Variants in CLTCL1 observed in about 807,000 individuals in gnomAD.
CLTCL1 encodes clathrin heavy chain 2.
CLTCL1 carries 159 observed loss-of-function variants against 190.0 expected under a neutral mutation model. That is an observed-to-expected ratio of 0.84 (90% CI 0.74 to 0.95). CLTCL1 has a LOEUF of 0.95. Among genes scored for constraint, CLTCL1 ranks in the 40% least tolerant of loss-of-function variants. The probability of loss-of-function intolerance (pLI) is 0.00; values close to 1 mark genes in which losing one functional copy is unlikely to be tolerated. For missense variants in CLTCL1, 1,878 were observed against 2,033.4 expected (o/e 0.92, Z 1.47); for synonymous variants, 752 against 769.6 (o/e 0.98, Z 0.38).
intron 1 of CLTCL1, among the ~76,000 whole-genome samples, chr22:19,282,539 G>C (rs575576829): frequency 6.6e-6 from 1 of 150,802 alleles, no homozygotes; most frequent in Non-Finnish European, 1.5e-5. Flanking sequence ...TCAGGAGGCC[G>C]AGGCAGGAGA....
In CLTCL1 at chr22:19,180,793, T is replaced by A. The variant is rs1005433220; in HGVS notation, c.4841A>T (p.Asp1614Val). 2.2e-5 allele frequency: 35 copies of A among 1,613,656 alleles called. No homozygotes were observed. The African/African-American group carries it at 3.6e-4, about 17-fold the overall frequency. Reference sequence around the variant, plus strand: ...TTGCTTGCGCAGACTCTCCAAGGCATCCAGTTTGTCCACCTGCAAGGAGGC... The same window carrying A: ...TTGCTTGCGCAGACTCTCCAAGGCAACCAGTTTGTCCACCTGCAAGGAGGC... ...REYLSKVDKL[D>V]ALESLRKQEE... Residue 1614 changes from aspartate (D) to valine (V), a missense_variant, in exon 31 of 33, where the codon GAT (aspartate) becomes GTT (valine). Asp to Val is a radical substitution (Grantham distance 152). Coordinates refer to ENST00000427926, the MANE Select transcript of CLTCL1 (RefSeq NM_007098.4).
At chr22:19,251,206 C>G (rs1391426278) in intron 3 of CLTCL1, among the ~76,000 whole-genome samples, 2 of 143,472 alleles carry the variant, frequency 1.4e-5, no homozygotes, top group Non-Finnish European at 3.1e-5. Flanking sequence ...AAATTTACCT[C>G]TAAGTATTTT....
chr22:19,220,179 G>A (rs2085523874), intron 17 of CLTCL1, among the ~76,000 whole-genome samples, 172 bp from the exon 18 acceptor site: 1 of 152,162 alleles, frequency 6.6e-6, no homozygotes, highest in Non-Finnish European at 1.5e-5. Flanking sequence ...CAGGGTTAAC[G>A]ATGGACTCAA....
chr22:19,202,401 T>A (rs2084916140), intron 22 of CLTCL1, among the ~76,000 whole-genome samples: 1 of 124,556 alleles, frequency 8.0e-6, no homozygotes, highest in Admixed American at 8.2e-5. Flanking sequence ...CAACCCTCCT[T>A]CCGCCATCCA....
chr22:19,211,167 C>A (rs2085208776), intron 19 of CLTCL1, among the ~76,000 whole-genome samples: 1 of 152,166 alleles, frequency 6.6e-6, no homozygotes, highest in South Asian at 2.1e-4. Context: ...AGAAATACTA[C>A]ATCTTTATCA....
rs1164616196 is a variant in CLTCL1, at chr22:19,180,705, G to C, written c.4903+26C>G. 3.1e-6 allele frequency: 5 copies of C among 1,611,458 alleles called. No individual in the cohort carries two copies. The African/African-American group carries it at 4.0e-5, about 13-fold the overall frequency. On this transcript the variant is annotated intron_variant, in intron 31 of 32. Transcript: ENST00000427926. ...CTCCCTCCCTGCTCCCTCCCCAGGG[G>C]GTTGGGGGCTACAGGTGCCACCTAC... is the stretch of plus-strand genomic sequence containing the variant.
At chr22:19,274,410 TA>T (rs1223332046) in intron 2 of CLTCL1, among the ~76,000 whole-genome samples, 15 of 152,278 alleles carry the variant, frequency 9.9e-5, no homozygotes, top group African/African-American at 3.4e-4. Flanking sequence ...AAGAGACAGA[TA>T]AAAGCATCAT....
intron 4 of CLTCL1, among the ~76,000 whole-genome samples, chr22:19,240,503 G>C (rs1239623991): frequency 1.3e-5 from 2 of 152,144 alleles, no homozygotes; most frequent in African/African-American, 4.8e-5. Context: ...GGCCAATGGG[G>C]GAGGCTGAGC....
intron 7 of CLTCL1, 89 bp from the exon 8 acceptor site, chr22:19,233,711 C>T (rs2085989718): frequency 8.1e-7 from 1 of 1,227,154 alleles, no homozygotes; most frequent in East Asian, 2.4e-5. Flanking sequence ...CAAAAATCTG[C>T]CAGTGGAAAT....
At position 19,232,528 on chromosome 22, in the gene CLTCL1, T is replaced by G; in HGVS notation, c.1592A>C (p.Gln531Pro). ...VMKISPEQGLQFSRMLVQDEE... is the reference protein window; with the variant it reads ...VMKISPEQGLPFSRMLVQDEE... Reference sequence around the variant, plus strand: ...GTCCTGCACTAGCATTCGAGAAAACTGCAGGCCCTGTTCCGGACTGATCTT... The same window carrying G: ...GTCCTGCACTAGCATTCGAGAAAACGGCAGGCCCTGTTCCGGACTGATCTT... The change falls in exon 10 of 33, where the codon CAG becomes CCG. Residue 531 changes from glutamine (Q) to proline (P), a missense_variant. Transcript: ENST00000427926. The G allele has an allele frequency of 6.2e-7, 1 of 1,613,986 alleles. No homozygotes were observed. The highest frequency in any genetic ancestry group is 8.5e-7 in the Non-Finnish European group (1 of 1,179,878).
In CLTCL1 at chr22:19,275,681, C is replaced by G; in HGVS notation, c.192G>C (p.Arg64=). 6.2e-7 allele frequency: 1 copy of G among 1,606,194 alleles called. No individual in the cohort carries two copies. Among genetic ancestry groups the G allele is most frequent in the Non-Finnish European group, 8.5e-7 (1 of 1,176,328 alleles). ...DMSDPMAPIR[R]PISAESAIMN... ...TGATGGCACTCTCTGCAGAGATAGG[C>G]CGTCGGATCGGAGCCATTGGGTCAC... is the stretch of plus-strand genomic sequence containing the variant. The change falls in exon 2 of 33, where the codon CGG becomes CGC. Residue 64 remains arginine, a synonymous_variant. Transcript: ENST00000427926.
At chr22:19,180,840 T>C in intron 30 of CLTCL1, 34 bp from the exon 31 acceptor site, 1 of 1,598,380 alleles carries the variant, frequency 6.3e-7, no homozygotes, top group Non-Finnish European at 8.6e-7. Context: ...AGCACCCGCT[T>C]GACAGAGTGC....
In CLTCL1 at chr22:19,242,902, G is replaced by C. The variant is rs782472815; in HGVS notation, c.554C>G (p.Ser185Cys). 1 of 1,613,922 alleles carries C rather than the reference G, an allele frequency of 6.2e-7. No homozygotes were observed. The highest frequency in any genetic ancestry group is 1.7e-5 in the Admixed American group (1 of 60,006). ...NRVVGAMQLY[S>C]VDRKVSQPIE... ...GGGTTGTGAAACCTTCCTATCCACA[G>C]AGTAGAGCTGCATTGCTCCAACCAC... The change falls in exon 4 of 33, where the codon TCT becomes TGT. Residue 185 changes from serine to cysteine, a missense_variant. Ser to Cys is a moderately radical substitution (Grantham distance 112). Transcript: ENST00000427926.
chr22:19,192,686 C>A (rs2146259124), intron 26 of CLTCL1, among the ~76,000 whole-genome samples: 1 of 152,340 alleles, frequency 6.6e-6, no homozygotes, highest in South Asian at 2.1e-4. Context: ...TTCAGGGTGT[C>A]TTCTTTCTCC....
chr22:19,222,053 A>G lies in CLTCL1; in HGVS notation c.2459T>C (p.Leu820Pro), dbSNP rs2085589560. Reference sequence around the variant, plus strand: ...CACTTCCTCAGAACAATCCACATCAAGCAGCCCTCCAATCACAGCTGGGGT... The same window carrying G: ...CACTTCCTCAGAACAATCCACATCAGGCAGCCCTCCAATCACAGCTGGGGT... ...SRTPAVIGGL[L>P]DVDCSEEVIK... Residue 820 changes from leucine (L) to proline (P), a missense_variant, in exon 16 of 33, where the codon CTT becomes CCT. By Grantham distance (98) the Leu-to-Pro change is moderately conservative. Coordinates refer to ENST00000427926, the MANE Select transcript of CLTCL1 (RefSeq NM_007098.4). 2 of 1,614,032 alleles carry G rather than the reference A, an allele frequency of 1.2e-6. No individual in the cohort carries two copies. Among genetic ancestry groups the G allele is most frequent in the East Asian group, 4.5e-5 (2 of 44,872 alleles).
Position 19,279,292 on chromosome 22 carries a change from C to T in CLTCL1, c.43-3462G>A, listed in dbSNP as rs181745382. The stretch of plus-strand genomic sequence containing the variant: ...CTGGGACTACAGGCATGCGCCACCA[C>T]GCTCGGCTGATTTTTGTAATTTTTA... On this transcript the variant is annotated intron_variant, in intron 1 of 32. Coordinates refer to ENST00000427926, the MANE Select transcript of CLTCL1 (RefSeq NM_007098.4). 3.5e-3 allele frequency among the ~76,000 whole-genome samples: 530 copies of T among 152,060 alleles called. 3 individuals are homozygous for T. The highest frequency in any genetic ancestry group is 5.1e-3 in the Non-Finnish European group (344 of 68,002).
intron 26 of CLTCL1, among the ~76,000 whole-genome samples, chr22:19,193,407 C>T (rs990717381): frequency 3.3e-5 from 5 of 152,268 alleles, no homozygotes; most frequent in East Asian, 1.9e-4. Context: ...AGGAATGGAG[C>T]GGCGGGGCCC....
intron 27 of CLTCL1, among the ~76,000 whole-genome samples, chr22:19,190,606 A>AAAAAAAAAAAAAAG (rs2084463306): frequency 6.6e-6 from 1 of 151,302 alleles, no homozygotes; most frequent in Non-Finnish European, 1.5e-5. Flanking sequence ...CAAAAAAAAA[A>AAAAAAAAAAAAAAG]AAAAAAAAAA....
intron 26 of CLTCL1, among the ~76,000 whole-genome samples, chr22:19,194,352 G>A (rs1182996517): frequency 4.6e-5 from 7 of 152,072 alleles, no homozygotes; most frequent in African/African-American, 1.7e-4. Context: ...CGTGGTGGCA[G>A]GCACCTGTAA....
Sources: gnomAD v4.1 joint callset for allele counts (sites outside exome capture counted in the v4.1 genomes callset) on GRCh38, gnomAD v4.1.1 for gene constraint, MANE v1.5 for transcripts, NCBI Gene and HGNC (gene_info 2026-07-23, HGNC 2026-07-21) for gene names.